Variants in DESI2 observed in about 807,000 individuals in gnomAD.
DESI2 encodes desumoylating isopeptidase 2, also known as deubiquitinase DESI2.
In DESI2, 10 loss-of-function variants were observed where a neutral mutation model predicts 24.1. The ratio of observed to expected loss-of-function variants is 0.41; its 90% CI spans 0.26 to 0.70. The LOEUF is 0.70. Ranked by LOEUF, DESI2 falls within the 30% of genes least tolerant of loss-of-function variation. The pLI is 0.29. For synonymous variants in DESI2, 71 were observed against 87.7 expected, an observed-to-expected ratio of 0.81 and a Z score of 1.06; for missense variants, 122 against 234.9, an observed-to-expected ratio of 0.52 and a Z score of 3.14.
At chr1:244,656,918 G>T (rs903604247) in intron 1 of DESI2, among the ~76,000 whole-genome samples, 4 of 152,146 alleles carry the variant, frequency 2.6e-5, no homozygotes, top group Non-Finnish European at 5.9e-5. Context: ...GGGATTACAG[G>T]CACCTGCCAT....
chr1:244,693,851 T>C (rs1677112766), intron 4 of DESI2, among the ~76,000 whole-genome samples: 1 of 152,202 alleles, frequency 6.6e-6, no homozygotes, highest in Admixed American at 6.5e-5. Context: ...GGAGCTATTA[T>C]AATAAAATAT....
At chr1:244,688,811 A>G (rs954172936) in intron 2 of DESI2, among the ~76,000 whole-genome samples, 1 of 152,224 alleles carries the variant, frequency 6.6e-6, no homozygotes, top group African/African-American at 2.4e-5. Flanking sequence ...AGATAAACCA[A>G]TAGTCTTTAT....
At chr1:244,677,875 G>A (rs867920197) in intron 1 of DESI2, among the ~76,000 whole-genome samples, 2 of 152,108 alleles carry the variant, frequency 1.3e-5, no homozygotes, top group Non-Finnish European at 2.9e-5. Context: ...AGCTATGATC[G>A]TACCACTGCA....
chr1:244,701,789 T>G (rs906091441), intron 4 of DESI2, among the ~76,000 whole-genome samples: 18 of 152,248 alleles, frequency 1.2e-4, no homozygotes, highest in African/African-American at 4.3e-4. Context: ...TCTGTAACAG[T>G]ATATAGAAAT....
intron 1 of DESI2, chr1:244,656,484 T>G (rs1675650157): frequency 6.6e-6 from 1 of 152,240 alleles, no homozygotes; most frequent in African/African-American, 2.4e-5. Context: ...CTCTGTGTAC[T>G]TTGGAGTAAT....
At chr1:244,704,258 A>G (rs192342645) in intron 4 of DESI2, among the ~76,000 whole-genome samples, 106 of 152,362 alleles carry the variant, frequency 7.0e-4, no homozygotes, top group Admixed American at 4.2e-3. Flanking sequence ...AAGATATGCA[A>G]ATATCTAAGA....
chr1:244,694,365 T>G (rs1677133399), intron 4 of DESI2: 2 of 606,382 alleles, frequency 3.3e-6, no homozygotes, highest in Non-Finnish European at 3.1e-6. Context: ...AGTTCAAACT[T>G]TAGTATTCAT....
intron 1 of DESI2, among the ~76,000 whole-genome samples, chr1:244,674,591 A>G (rs1490934478): frequency 6.6e-6 from 1 of 152,204 alleles, no homozygotes; most frequent in Non-Finnish European, 1.5e-5. Flanking sequence ...GGCATTTCAT[A>G]TAAATGGAAT....
rs917158167 is a variant in DESI2 at position 244,653,240 on chromosome 1, C to T, written c.-74C>T. ...CGGCTCAGGCCCCCTGAAGCGCCCG[C>T]GGGGGTGAGAGCGGCCTCCGGCCCC... On this transcript the variant is annotated 5_prime_UTR_variant, in exon 1 of 5. Transcript: ENST00000302550. 2.8e-6 allele frequency: 4 copies of T among 1,414,788 alleles called. No individual in the cohort carries two copies. The African/African-American group carries it at 6.0e-5, about 21-fold the overall frequency. The allele number at this position is 1,414,788 out of a possible 1,614,324, so 87.6% of individuals were successfully genotyped here.
chr1:244,703,957 C>T (rs1302125693), intron 4 of DESI2, among the ~76,000 whole-genome samples: 1 of 152,084 alleles, frequency 6.6e-6, no homozygotes, highest in East Asian at 1.9e-4. Context: ...CCGCGCTGGG[C>T]CGAAATATTT....
Position 244,653,213 on chromosome 1 carries a change from C to A in DESI2, c.-101C>A. On this transcript the variant is annotated 5_prime_UTR_variant, in exon 1 of 5. Transcript: ENST00000302550. ...CGCGGGCCGGGCTGTACGCTTAGTG[C>A]CCGGCTCAGGCCCCCTGAAGCGCCC... The A allele has an allele frequency of 8.0e-7, 1 of 1,254,674 alleles. No homozygotes were observed. The highest frequency in any genetic ancestry group is 1.1e-6 in the Non-Finnish European group (1 of 948,482). The allele number at this position is 1,254,674 out of a possible 1,614,324, so 77.7% of individuals were successfully genotyped here.
intron 4 of DESI2, among the ~76,000 whole-genome samples, chr1:244,696,432 G>A (rs1425100523): frequency 1.3e-5 from 2 of 152,060 alleles, no homozygotes; most frequent in Admixed American, 1.3e-4. Context: ...GACGAGCTTG[G>A]GCAACATGGC....
In DESI2 at chr1:244,705,953, C is replaced by T. The variant is rs1573241053; in HGVS notation, c.*164C>T. 1 of 599,170 alleles carries T rather than the reference C, an allele frequency of 1.7e-6. No individual in the cohort carries two copies. Among genetic ancestry groups the T allele is most frequent in the Non-Finnish European group, 2.9e-6 (1 of 342,026 alleles). 37.1% of individuals were successfully genotyped at this position (599,170 alleles called of 1,614,324 possible). On this transcript the variant is annotated 3_prime_UTR_variant, in exon 5 of 5. Transcript: ENST00000302550. Reference sequence around the variant, plus strand: ...ATATTTGTAATCAAAAAAAAAAAATCACTTGGCGCAGGAGGGAGAACTTTG... The same window carrying T: ...ATATTTGTAATCAAAAAAAAAAAATTACTTGGCGCAGGAGGGAGAACTTTG...
Position 244,691,982 on chromosome 1 carries a change from C to T in DESI2, c.313C>T (p.His105Tyr), listed in dbSNP as rs929070298. The T allele has an allele frequency of 6.3e-7, 1 of 1,592,748 alleles. No individual in the cohort carries two copies. The highest frequency in any genetic ancestry group is 1.4e-5 in the African/African-American group (1 of 73,756). ...CAAAGGCAATGCTTATCATTTAATG[C>T]ATAAAAACTGCAATCATTTTTCTTC... ...EYKGNAYHLMHKNCNHFSSAL... is the reference protein window; with the variant it reads ...EYKGNAYHLMYKNCNHFSSAL... The change falls in exon 4 of 5, where the codon CAT (histidine) becomes TAT (tyrosine). Residue 105 changes from histidine (H) to tyrosine (Y), a missense_variant. His to Tyr is a moderately conservative substitution (Grantham distance 83, BLOSUM62 2). Coordinates refer to ENST00000302550, the MANE Select transcript of DESI2 (RefSeq NM_016076.5).
chr1:244,668,182 CTA>C (rs967636115), intron 1 of DESI2, among the ~76,000 whole-genome samples: 1 of 152,122 alleles, frequency 6.6e-6, no homozygotes, highest in African/African-American at 2.4e-5. Flanking sequence ...AGAGGTATAC[CTA>C]TGTTTTGTTC....
At chr1:244,656,975 G>T (rs576737615) in intron 1 of DESI2, among the ~76,000 whole-genome samples, 2 of 152,138 alleles carry the variant, frequency 1.3e-5, no homozygotes, top group South Asian at 4.1e-4. Context: ...GTTTCACCAT[G>T]TTGGCTAGGC....
chr1:244,657,963 G>A (rs1424882979), intron 1 of DESI2, among the ~76,000 whole-genome samples: 1 of 152,324 alleles, frequency 6.6e-6, no homozygotes, highest in East Asian at 1.9e-4. Flanking sequence ...CCTTTATGGT[G>A]AGTTGTGGGT....
intron 1 of DESI2, among the ~76,000 whole-genome samples, chr1:244,669,163 T>C (rs917556483): frequency 1.3e-5 from 2 of 151,804 alleles, no homozygotes; most frequent in Non-Finnish European, 1.5e-5. Flanking sequence ...ACCCGGCTAA[T>C]TGTTTAATTT....
chr1:244,668,927 G>T (rs889956361), intron 1 of DESI2, among the ~76,000 whole-genome samples: 5 of 152,044 alleles, frequency 3.3e-5, no homozygotes, highest in African/African-American at 1.2e-4. Flanking sequence ...TATTTTAAGA[G>T]GATAATTTTT....
Sources: allele counts gnomAD v4.1 joint callset (sites outside exome capture counted in the v4.1 genomes callset), GRCh38; gene constraint gnomAD v4.1.1; transcripts MANE v1.5; gene names NCBI Gene and HGNC (gene_info 2026-07-23, HGNC 2026-07-21).